The following CAPN14 variants were observed in gnomAD, a reference collection of about 807,000 sequenced individuals.
The protein encoded by CAPN14 is calpain-14.
A neutral mutation model predicts 101.3 loss-of-function variants in CAPN14; 94 were observed. That is an observed-to-expected ratio of 0.93 (90% CI 0.79 to 1.10). The LOEUF is 1.10. Among genes scored for constraint, CAPN14 ranks in the 50% least tolerant of loss-of-function variants. The pLI, the probability that CAPN14 is intolerant of heterozygous loss-of-function variation, is 0.00. For synonymous variants in CAPN14, 338 were observed against 317.9 expected (o/e 1.06, Z -0.67); for missense variants, 837 against 828.4 (o/e 1.01, Z -0.13).
chr2:31,207,019 T>C (rs907544477), intron 1 of CAPN14, among the ~76,000 whole-genome samples: 2 of 152,196 alleles, frequency 1.3e-5, no homozygotes, highest in African/African-American at 4.8e-5. Flanking sequence ...TTATAAGGGC[T>C]GTATCCAGAA....
chr2:31,225,416 A>G (rs1278917960), intron 2 of CAPN14, among the ~76,000 whole-genome samples: 1 of 152,088 alleles, frequency 6.6e-6, no homozygotes, highest in Non-Finnish European at 1.5e-5. Context: ...AAGTATATAA[A>G]TTGATGTGCC....
rs908603076 is a variant in CAPN14, at chr2:31,188,366, C to T, written c.1494-12G>A. On this transcript the variant is annotated splice_polypyrimidine_tract_variant and intron_variant, in intron 13 of 21. Coordinates refer to ENST00000403897, the MANE Select transcript of CAPN14 (RefSeq NM_001145122.2). ...TGCTGCCAATTTCACTGAGAACAAA[C>T]AAACAAGAACAAACTCAGAGTTTCC... is the stretch of plus-strand genomic sequence containing the variant. 3 of 1,551,326 alleles carry T rather than the reference C, an allele frequency of 1.9e-6. No homozygotes were observed. In the African/African-American group the frequency reaches 4.1e-5, roughly 21 times the overall value.
At chr2:31,190,553 T>A (rs995548583) in intron 12 of CAPN14, among the ~76,000 whole-genome samples, 1 of 152,194 alleles carries the variant, frequency 6.6e-6, no homozygotes, top group Non-Finnish European at 1.5e-5. Context: ...TTTGTTATTT[T>A]TCAATGGCTT....
chr2:31,198,317 T>A lies in CAPN14; in HGVS notation c.790-983A>T, dbSNP rs567159691. Among the ~76,000 whole-genome samples the A allele has an allele frequency of 4.7e-5, 7 of 150,502 alleles. 1 individual carries two copies. In the South Asian group the frequency reaches 1.5e-3, roughly 32 times the overall value. On this transcript the variant is annotated intron_variant, in intron 7 of 21. Coordinates refer to ENST00000403897, the MANE Select transcript of CAPN14 (RefSeq NM_001145122.2). ...AAATGTTCATCTTACATATGTTGATTGATGTCTCATGTCTCCCTAAAAAGT... is the reference window on the plus strand; with the variant it reads ...AAATGTTCATCTTACATATGTTGATAGATGTCTCATGTCTCCCTAAAAAGT...
Position 31,230,229 on chromosome 2 carries a change from G to C in CAPN14, c.-177+3562C>G, listed in dbSNP as rs1235556203. The stretch of plus-strand genomic sequence containing the variant: ...CCCCAGTGTGGTATATATTTTATAT[G>C]AATGTGGCACATTTATCCATTTACT... On this transcript the variant is annotated intron_variant and NMD_transcript_variant, in intron 1 of 21. Transcript: ENST00000398824. The surrounding 1 kb of genome is among the most constrained non-coding windows in gnomAD (Gnocchi z 4.3). Among the ~76,000 whole-genome samples the C allele has an allele frequency of 6.6e-6, 1 of 152,154 alleles. No individual in the cohort carries two copies. Among genetic ancestry groups the C allele is most frequent in the Non-Finnish European group, 1.5e-5 (1 of 68,034 alleles).
chr2:31,175,223 C>G (rs926245962), intron 21 of CAPN14, among the ~76,000 whole-genome samples: 1 of 152,176 alleles, frequency 6.6e-6, no homozygotes, highest in African/African-American at 2.4e-5. Context: ...GCGTGAAATC[C>G]AACAAGGTGG....
chr2:31,196,922 T>A (rs1448952985), intron 8 of CAPN14, among the ~76,000 whole-genome samples: 1 of 152,222 alleles, frequency 6.6e-6, no homozygotes, highest in Non-Finnish European at 1.5e-5. Flanking sequence ...TAATCCAAGT[T>A]TCTCTATTAG....
intron 1 of CAPN14, among the ~76,000 whole-genome samples, chr2:31,233,069 C>A (rs1258287284): frequency 6.6e-6 from 1 of 152,220 alleles, no homozygotes; most frequent in Non-Finnish European, 1.5e-5. Context: ...CCCACTCACT[C>A]TCCTTAGTAT....
chr2:31,185,963 C>G (rs751059278), intron 16 of CAPN14, among the ~76,000 whole-genome samples: 1 of 152,140 alleles, frequency 6.6e-6, no homozygotes, highest in Non-Finnish European at 1.5e-5. Context: ...CCTCACGCTA[C>G]TCATTTGCAA....
At position 31,202,186 on chromosome 2, in the gene CAPN14, A is replaced by G. The variant is rs1345234871; in HGVS notation, c.362T>C (p.Val121Ala). The change falls in exon 4 of 22, where the codon GTT (valine) becomes GCT (alanine). Residue 121 changes from valine (V) to alanine (A), a missense_variant. Transcript: ENST00000403897. ...CTCAGTGAAACTCTGATTCAGGGGA[A>G]CAACCCGGCTCAGGATGTCCTGGTG... ...ALHQDILSRVVPLNQSFTEKY... is the reference protein window; with the variant it reads ...ALHQDILSRVAPLNQSFTEKY... 3 of 1,551,734 alleles carry G rather than the reference A, an allele frequency of 1.9e-6. No homozygotes were observed. The African/African-American group carries it at 4.1e-5, about 21-fold the overall frequency.
At chr2:31,175,119 AG>A (rs1680226723) in intron 21 of CAPN14, among the ~76,000 whole-genome samples, 2 of 152,174 alleles carry the variant, frequency 1.3e-5, no homozygotes, top group Non-Finnish European at 2.9e-5. Context: ...ACTCATATAG[AG>A]GGGACCTCTG....
chr2:31,208,608 T>C (rs1279121707), intron 1 of CAPN14, among the ~76,000 whole-genome samples: 2 of 152,138 alleles, frequency 1.3e-5, no homozygotes, highest in Non-Finnish European at 2.9e-5. Context: ...TATTTGTAAA[T>C]AAGTATTCCT....
At chr2:31,211,716 T>C (rs980537982) in intron 1 of CAPN14, among the ~76,000 whole-genome samples, 2 of 150,618 alleles carry the variant, frequency 1.3e-5, no homozygotes, top group Non-Finnish European at 3.0e-5. Context: ...GAAGAAAATA[T>C]ATATAAATAA....
At chr2:31,227,716 CA>C (rs777445436) in intron 1 of CAPN14, among the ~76,000 whole-genome samples, 5 of 152,160 alleles carry the variant, frequency 3.3e-5, no homozygotes, top group Non-Finnish European at 5.9e-5. Flanking sequence ...CTGATCTCAT[CA>C]GTAGGAATTG....
At chr2:31,196,597 T>C (rs1456440994) in intron 8 of CAPN14, among the ~76,000 whole-genome samples, 1 of 152,204 alleles carries the variant, frequency 6.6e-6, no homozygotes, top group African/African-American at 2.4e-5. Flanking sequence ...GATTAAGTAT[T>C]ATACATCTTC....
chr2:31,223,630 G>A (rs143546320), intron 2 of CAPN14, among the ~76,000 whole-genome samples: 2,803 of 149,272 alleles, frequency 0.019, 33 homozygotes, highest in South Asian at 0.043. Flanking sequence ...CTAGGTTCAA[G>A]CAATTCTCCT....
intron 11 of CAPN14, 45 bp from the exon 12 acceptor site, chr2:31,191,452 A>AG: frequency 1.3e-6 from 2 of 1,497,704 alleles, no homozygotes; most frequent in Non-Finnish European, 1.8e-6. Context: ...AAAAGAGGAG[A>AG]GAGAGATCTC....
In CAPN14 at chr2:31,197,279, T is replaced by C. The variant is rs1301020142; in HGVS notation, c.845A>G (p.Lys282Arg). 6.4e-7 allele frequency: 1 copy of C among 1,551,078 alleles called. No homozygotes were observed. The highest frequency in any genetic ancestry group is 1.2e-5 in the South Asian group (1 of 84,058). The change falls in exon 8 of 22, where the codon AAG becomes AGG. Residue 282 changes from lysine (K) to arginine (R), a missense_variant. Physicochemically the swap from Lys to Arg is conservative, Grantham distance 26. Coordinates refer to ENST00000403897, the MANE Select transcript of CAPN14 (RefSeq NM_001145122.2). ...YLVKLRNPWG[K>R]VEWKGDWSDS... ...ACTCCAGTCTCCTTTCCATTCCACC[T>C]TTCCCCAGGGGTTCCGTAGCTTGAC... is the stretch of plus-strand genomic sequence containing the variant.
intron 21 of CAPN14, among the ~76,000 whole-genome samples, 187 bp downstream of exon 21, chr2:31,176,400 G>A: frequency 6.6e-6 from 1 of 152,220 alleles, no homozygotes; most frequent in Non-Finnish European, 1.5e-5. Flanking sequence ...GGCACAAAGT[G>A]GGTGCTCAGA....
Sources: gnomAD v4.1 joint callset for allele counts (sites outside exome capture counted in the v4.1 genomes callset) on GRCh38, gnomAD v4.1.1 for gene constraint, Gnocchi (gnomAD v3.1) non-coding constraint, MANE v1.5 for transcripts, NCBI Gene and HGNC (gene_info 2026-07-23, HGNC 2026-07-21) for gene names.